MAB21L1: variants seen among roughly 807,000 people sequenced by gnomAD.
MAB21L1 encodes the protein putative nucleotidyltransferase MAB21L1.
Under a neutral mutation model 28.9 loss-of-function variants are expected in MAB21L1, and 8 were observed. The observed-to-expected ratio is 0.28, with a 90% CI of 0.16 to 0.50. MAB21L1 has a LOEUF of 0.50. MAB21L1 is among the 20% of genes least tolerant of loss of function. MAB21L1 has a pLI of 0.98. For synonymous variants in MAB21L1, 219 were observed against 198.2 expected (o/e 1.10, Z -0.88); for missense variants, 388 against 466.5 (o/e 0.83, Z 1.55).
Position 35,475,038 on chromosome 13 carries a change from G to A in MAB21L1, c.*21C>T, listed in dbSNP as rs1416753766. 5 of 1,599,380 alleles carry A rather than the reference G, an allele frequency of 3.1e-6. No homozygotes were observed. Among genetic ancestry groups the A allele is most frequent in the Non-Finnish European group, 4.3e-6 (5 of 1,171,586 alleles). The stretch of plus-strand genomic sequence containing the variant: ...GGACTTTGAGAAGGGTAATAATTTC[G>A]GCTCTTGATTAAATCATCCTCTAAA... On this transcript the variant is annotated 3_prime_UTR_variant, in exon 1 of 1. Coordinates refer to ENST00000379919, the MANE Select transcript of MAB21L1 (RefSeq NM_005584.5).
Position 35,476,651 on chromosome 13 carries a change from C to A in MAB21L1, c.-513G>T. On this transcript the variant is annotated 5_prime_UTR_variant, in exon 1 of 1. Transcript: ENST00000379919. ...TGAGTGTGTGTCCGGGGTGAGTGTG[C>A]GTGTGTATATGTCAGAAGAAGCTGC... is the stretch of plus-strand genomic sequence containing the variant. 1 of 533,170 alleles carries A rather than the reference C, an allele frequency of 1.9e-6. No individual in the cohort carries two copies. The allele number at this position is 533,170 out of a possible 1,614,324, so 33.0% of individuals were successfully genotyped here.
Position 35,475,057 on chromosome 13 carries a change from C to T in MAB21L1, c.*2G>A, listed in dbSNP as rs1291778089. 8.1e-6 allele frequency: 13 copies of T among 1,610,332 alleles called. No homozygotes were observed. The highest frequency in any genetic ancestry group is 1.0e-5 in the Non-Finnish European group (12 of 1,177,882). ...AATTTCGGCTCTTGATTAAATCATC[C>T]TCTAAAGTTTTTCCAAACTTTTCGG... On this transcript the variant is annotated 3_prime_UTR_variant, in exon 1 of 1. Transcript: ENST00000379919.
At position 35,475,570 on chromosome 13, in the gene MAB21L1, G is replaced by A. The variant is rs778780004; in HGVS notation, c.569C>T (p.Pro190Leu). The change falls in exon 1 of 1, where the codon CCC becomes CTC. Residue 190 changes from proline to leucine, a missense_variant. By Grantham distance (98) the Pro-to-Leu change is moderately conservative. Around this residue, in one of 3 missense-constraint regions of MAB21L1, gnomAD observed 218 missense variants for 220.6 expected, o/e 0.99. Coordinates refer to ENST00000379919, the MANE Select transcript of MAB21L1 (RefSeq NM_005584.5). ...WPRSAAHWPL[P>L]HIPWPGPNRV... ...GTTGGGTCCCGGCCAGGGGATGTGG[G>A]GAAGTGGCCAGTGGGCAGCACTCCT... 3.7e-6 allele frequency: 6 copies of A among 1,613,512 alleles called. No individual in the cohort carries two copies. Among genetic ancestry groups the A allele is most frequent in the Non-Finnish European group, 5.1e-6 (6 of 1,179,952 alleles).
Position 35,473,796 on chromosome 13 carries a change from C to A in MAB21L1, c.*1263G>T, listed in dbSNP as rs1209014049. Among the ~76,000 whole-genome samples the A allele has an allele frequency of 6.6e-6, 1 of 152,094 alleles. No homozygotes were observed. The highest frequency in any genetic ancestry group is 2.4e-5 in the African/African-American group (1 of 41,422). Reference sequence around the variant, plus strand: ...AAGGTTTGACATAAAATATATTGGTCAGAAAGGATCGTTTTATTAGTTTTC... The same window carrying A: ...AAGGTTTGACATAAAATATATTGGTAAGAAAGGATCGTTTTATTAGTTTTC... On this transcript the variant is annotated 3_prime_UTR_variant, in exon 1 of 1. Coordinates refer to ENST00000379919, the MANE Select transcript of MAB21L1 (RefSeq NM_005584.5).
chr13:35,474,896 T>G lies in MAB21L1; in HGVS notation c.*163A>C. On this transcript the variant is annotated 3_prime_UTR_variant, in exon 1 of 1. Transcript: ENST00000379919. ...CCGCTTCCCCTACTTTTTCTCCCCT[T>G]GTGGGGGTGGGTGAGATGATGTTTA... 11 of 861,002 alleles carry G rather than the reference T, an allele frequency of 1.3e-5. No individual in the cohort carries two copies. Among genetic ancestry groups the G allele is most frequent in the Non-Finnish European group, 1.4e-5 (8 of 573,618 alleles). The allele number at this position is 861,002 out of a possible 1,614,324, so 53.3% of individuals were successfully genotyped here.
chr13:35,473,803 G>A lies in MAB21L1; in HGVS notation c.*1256C>T, dbSNP rs2075752862. On this transcript the variant is annotated 3_prime_UTR_variant, in exon 1 of 1. Coordinates refer to ENST00000379919, the MANE Select transcript of MAB21L1 (RefSeq NM_005584.5). The stretch of plus-strand genomic sequence containing the variant: ...GACATAAAATATATTGGTCAGAAAG[G>A]ATCGTTTTATTAGTTTTCATACATA... Among the ~76,000 whole-genome samples the A allele has an allele frequency of 6.6e-6, 1 of 152,066 alleles. No homozygotes were observed. The highest frequency in any genetic ancestry group is 1.9e-4 in the East Asian group (1 of 5,196).
Position 35,475,078 on chromosome 13 carries a change from T to C in MAB21L1, c.1061A>G (p.Lys354Arg), listed in dbSNP as rs773088040. 5 of 1,612,498 alleles carry C rather than the reference T, an allele frequency of 3.1e-6. No homozygotes were observed. In the South Asian group the frequency reaches 5.5e-5, roughly 18 times the overall value. Residue 354 changes from lysine (K) to arginine (R), a missense_variant, in exon 1 of 1, where the codon AAA (lysine) becomes AGA (arginine). Transcript: ENST00000379919. ...CATCCTCTAAAGTTTTTCCAAACTTTTCGGGTTGGTCAGGATCTCTCTTGC... is the reference window on the plus strand; with the variant it reads ...CATCCTCTAAAGTTTTTCCAAACTTCTCGGGTTGGTCAGGATCTCTCTTGC... ...RLAREILTNP[K>R]SLEKL
In MAB21L1 at chr13:35,476,112, G is replaced by A; in HGVS notation, c.27C>T (p.Val9=). MIAAQAKL[V]YHLNKYYNEK... ...CGTTGTAGTATTTATTCAGATGGTA[G>A]ACCAGCTTGGCCTGGGCCGCAATCA... The change falls in exon 1 of 1, where the codon GTC becomes GTT. Residue 9 remains valine, a synonymous_variant. Coordinates refer to ENST00000379919, the MANE Select transcript of MAB21L1 (RefSeq NM_005584.5). The A allele has an allele frequency of 5.0e-6, 8 of 1,614,194 alleles. No homozygotes were observed. Among genetic ancestry groups the A allele is most frequent in the Non-Finnish European group, 6.8e-6 (8 of 1,180,036 alleles).
Position 35,474,882 on chromosome 13 carries a change from A to ACTTT in MAB21L1, c.*173_*176dup, listed in dbSNP as rs2075793734. The ACTTT allele has an allele frequency of 1.3e-6, 1 of 755,190 alleles. No homozygotes were observed. Among genetic ancestry groups the ACTTT allele is most frequent in the African/African-American group, 1.8e-5 (1 of 56,612 alleles). 46.8% of individuals were successfully genotyped at this position (755,190 alleles called of 1,614,324 possible). On this transcript the variant is annotated 3_prime_UTR_variant, in exon 1 of 1. Coordinates refer to ENST00000379919, the MANE Select transcript of MAB21L1 (RefSeq NM_005584.5). ...GGGTTTTTCTCCATCCGCTTCCCCTACTTTTTCTCCCCTTGTGGGGGTGGG... is the reference window on the plus strand; with the variant it reads ...GGGTTTTTCTCCATCCGCTTCCCCTACTTTCTTTTTCTCCCCTTGTGGGGGTGGG...
At position 35,475,257 on chromosome 13, in the gene MAB21L1, A is replaced by C; in HGVS notation, c.882T>G (p.Ser294=). 6.2e-7 allele frequency: 1 copy of C among 1,614,034 alleles called. No homozygotes were observed. Among genetic ancestry groups the C allele is most frequent in the Non-Finnish European group, 8.5e-7 (1 of 1,180,012 alleles). ...TCCCGTTCAGCCGATCACCCAGGCA[A>C]GACTCGTCCCAGTCCGACTCTCGGG... ...KHPRESDWDE[S]CLGDRLNGIL... is the part of the protein sequence containing the mutation. Residue 294 remains serine (S), a synonymous_variant, in exon 1 of 1, where the codon TCT becomes TCG. Coordinates refer to ENST00000379919, the MANE Select transcript of MAB21L1 (RefSeq NM_005584.5).
chr13:35,476,347 G>T lies in MAB21L1; in HGVS notation c.-209C>A. ...TGCTGCTGCTGCTGCTGCTGCTGCT[G>T]CTGCTGCTTTTCCCTTCCTTTTATC... On this transcript the variant is annotated 5_prime_UTR_variant, in exon 1 of 1. Coordinates refer to ENST00000379919, the MANE Select transcript of MAB21L1 (RefSeq NM_005584.5). 1 of 1,109,458 alleles carries T rather than the reference G, an allele frequency of 9.0e-7. No homozygotes were observed. The highest frequency in any genetic ancestry group is 1.4e-5 in the South Asian group (1 of 71,762). 68.7% of individuals were successfully genotyped at this position (1,109,458 alleles called of 1,614,324 possible).
In MAB21L1 at chr13:35,475,401, G is replaced by A; in HGVS notation, c.738C>T (p.Cys246=). Residue 246 remains cysteine, a synonymous_variant, in exon 1 of 1, where the codon TGC becomes TGT. Transcript: ENST00000379919. ...TGAGGATGGAGAGGCACTTCTTTCT[G>A]CAGCCCCCCATCTGCAGTCTGTTCT... ...EAENRLQMGG[C]RKKCLSILKT... The A allele has an allele frequency of 6.2e-7, 1 of 1,613,694 alleles. No individual in the cohort carries two copies. Among genetic ancestry groups the A allele is most frequent in the Non-Finnish European group, 8.5e-7 (1 of 1,179,954 alleles).
At position 35,475,634 on chromosome 13, in the gene MAB21L1, G is replaced by C; in HGVS notation, c.505C>G (p.Gln169Glu). The C allele has an allele frequency of 6.2e-7, 1 of 1,613,678 alleles. No individual in the cohort carries two copies. Among genetic ancestry groups the C allele is most frequent in the Non-Finnish European group, 8.5e-7 (1 of 1,179,950 alleles). ...KLRIRDRYVV[Q>E]ITPAFKCTGI... Reference sequence around the variant, plus strand: ...GTGCATTTAAAGGCCGGCGTGATCTGCACCACGTACCTATCTCGGATTCTC... The same window carrying C: ...GTGCATTTAAAGGCCGGCGTGATCTCCACCACGTACCTATCTCGGATTCTC... The change falls in exon 1 of 1, where the codon CAG becomes GAG. Residue 169 changes from glutamine (Q) to glutamate (E), a missense_variant. Physicochemically the swap from Gln to Glu is conservative, Grantham distance 29. Coordinates refer to ENST00000379919, the MANE Select transcript of MAB21L1 (RefSeq NM_005584.5).
In MAB21L1 at chr13:35,475,386, G is replaced by A; in HGVS notation, c.753C>T (p.Leu251=). 1 of 1,613,890 alleles carries A rather than the reference G, an allele frequency of 6.2e-7. No homozygotes were observed. The highest frequency in any genetic ancestry group is 2.2e-5 in the East Asian group (1 of 44,790). ...LQMGGCRKKC[L]SILKTLRDRH... ...GATCCCTTAAGGTTTTGAGGATGGA[G>A]AGGCACTTCTTTCTGCAGCCCCCCA... is the stretch of plus-strand genomic sequence containing the variant. The change falls in exon 1 of 1, where the codon CTC becomes CTT. Residue 251 remains leucine, a synonymous_variant. Transcript: ENST00000379919.
In MAB21L1 at chr13:35,474,794, G is replaced by A. The variant is rs2075790093; in HGVS notation, c.*265C>T. On this transcript the variant is annotated 3_prime_UTR_variant, in exon 1 of 1. Transcript: ENST00000379919. ...AGCTGGGCTGTTTACGGAGTGTTAC[G>A]GTGTACTTTTCAAGGGAGATAGGAA... 4.7e-6 allele frequency: 2 copies of A among 422,354 alleles called. No individual in the cohort carries two copies. The highest frequency in any genetic ancestry group is 8.5e-6 in the Non-Finnish European group (2 of 236,466). The allele number at this position is 422,354 out of a possible 1,614,324, so 26.2% of individuals were successfully genotyped here.
rs1472830161 is a variant in MAB21L1 at position 35,475,859 on chromosome 13, G to A, written c.280C>T (p.Leu94=). The part of the protein sequence containing the change: ...GVFNFVDDGS[L]PGCAVLKLSD... Reference sequence around the variant, plus strand: ...AACTTCAGCACCGCGCAGCCGGGCAGTGAGCCATCGTCCACGAAGTTGAAC... The same window carrying A: ...AACTTCAGCACCGCGCAGCCGGGCAATGAGCCATCGTCCACGAAGTTGAAC... Residue 94 remains leucine, a synonymous_variant, in exon 1 of 1, where the codon CTG becomes TTG. Coordinates refer to ENST00000379919, the MANE Select transcript of MAB21L1 (RefSeq NM_005584.5). The A allele has an allele frequency of 6.2e-7, 1 of 1,614,120 alleles. No homozygotes were observed. The highest frequency in any genetic ancestry group is 8.5e-7 in the Non-Finnish European group (1 of 1,180,036).
In MAB21L1 at chr13:35,475,485, C is replaced by G; in HGVS notation, c.654G>C (p.Leu218Phe). ...FNLLSKECHS[L>F]AGKQSSAESD... ...TCTCCGCCGAGCTCTGCTTGCCGGC[C>G]AAGGAGTGGCACTCCTTGGACAAGA... Residue 218 changes from leucine to phenylalanine, a missense_variant, in exon 1 of 1, where the codon TTG becomes TTC. By Grantham distance (22) the Leu-to-Phe change is conservative. This residue lies in a region of MAB21L1 where 218 missense variants were observed against 220.6 expected (regional missense o/e 0.99). Transcript: ENST00000379919. The G allele has an allele frequency of 6.2e-7, 1 of 1,612,430 alleles. No individual in the cohort carries two copies. Among genetic ancestry groups the G allele is most frequent in the Non-Finnish European group, 8.5e-7 (1 of 1,179,894 alleles).
rs2075869186 is a variant in MAB21L1 at position 35,476,336 on chromosome 13, C to A, written c.-198G>T. 2 of 1,220,946 alleles carry A rather than the reference C, an allele frequency of 1.6e-6. No homozygotes were observed. The highest frequency in any genetic ancestry group is 2.3e-6 in the Non-Finnish European group (2 of 854,836). The allele number at this position is 1,220,946 out of a possible 1,614,324, so 75.6% of individuals were successfully genotyped here. A position where few individuals can be genotyped will look rare whatever the true frequency, so the allele number is the denominator to read the frequency against. ...GCTGCTGCTGCTGCTGCTGCTGCTG[C>A]TGCTGCTGCTGCTGCTGCTTTTCCC... On this transcript the variant is annotated 5_prime_UTR_variant, in exon 1 of 1. Coordinates refer to ENST00000379919, the MANE Select transcript of MAB21L1 (RefSeq NM_005584.5).
At position 35,475,413 on chromosome 13, in the gene MAB21L1, C is replaced by T. The variant is rs748166699; in HGVS notation, c.726G>A (p.Gln242=). 1.9e-6 allele frequency: 3 copies of T among 1,613,792 alleles called. No individual in the cohort carries two copies. Among genetic ancestry groups the T allele is most frequent in the South Asian group, 2.2e-5 (2 of 91,056 alleles). ...GGCACTTCTTTCTGCAGCCCCCCAT[C>T]TGCAGTCTGTTCTCTGCCTCCGCGA... The part of the protein sequence containing the change: ...LQFAEAENRL[Q]MGGCRKKCLS... Residue 242 remains glutamine, a synonymous_variant, in exon 1 of 1, where the codon CAG becomes CAA. Coordinates refer to ENST00000379919, the MANE Select transcript of MAB21L1 (RefSeq NM_005584.5).
Sources: allele counts gnomAD v4.1 joint callset (sites outside exome capture counted in the v4.1 genomes callset), GRCh38; gene constraint gnomAD v4.1.1; regional missense constraint gnomAD v4.1.1; transcripts MANE v1.5; gene names NCBI Gene and HGNC (gene_info 2026-07-23, HGNC 2026-07-21).